Variants in HYDIN observed in about 807,000 individuals in gnomAD.
HYDIN encodes the protein HYDIN axonemal central pair apparatus protein, also known as axonemal central pair apparatus protein HYDIN.
Under a neutral mutation model 403.9 loss-of-function variants are expected in HYDIN, and 132 were observed. The observed-to-expected ratio is 0.33, with a 90% CI of 0.28 to 0.38. The LOEUF is 0.38. HYDIN is among the 10% of genes least tolerant of loss of function. HYDIN has a pLI of 1.00. For synonymous variants in HYDIN, 1,202 were observed against 1,891.7 expected, an observed-to-expected ratio of 0.64 and a Z score of 9.46; for missense variants, 2,827 against 5,009.5, an observed-to-expected ratio of 0.56 and a Z score of 13.15.
In HYDIN at chr16:70,992,218, A is replaced by C. The variant is rs1215181518; in HGVS notation, c.3645-8T>G. ...TTCGGCAATGTCACAAACCTACCAA[A>C]GCATGGGACAGGGAATAGGGGGAGA... On this transcript the variant is annotated splice_region_variant and splice_polypyrimidine_tract_variant and intron_variant, in intron 23 of 85. Transcript: ENST00000393567. 5.1e-6 allele frequency: 8 copies of C among 1,558,938 alleles called. No homozygotes were observed. The highest frequency in any genetic ancestry group is 6.9e-6 in the Non-Finnish European group (8 of 1,154,966).
intron 21 of HYDIN, among the ~76,000 whole-genome samples, chr16:71,022,784 G>A (rs1210087815): frequency 2.1e-5 from 3 of 145,776 alleles, no homozygotes; most frequent in East Asian, 2.0e-4. Flanking sequence ...GCAGGGAACT[G>A]TAGCTCAATT....
At chr16:71,206,432 T>C (rs906555829) in intron 1 of HYDIN, among the ~76,000 whole-genome samples, 15 of 151,930 alleles carry the variant, frequency 9.9e-5, no homozygotes, top group Non-Finnish European at 2.1e-4. Context: ...AAACAATCCA[T>C]CCAAAAGGAC....
chr16:71,201,548 A>T (rs1487078966), intron 1 of HYDIN, among the ~76,000 whole-genome samples: 1 of 152,132 alleles, frequency 6.6e-6, no homozygotes. Flanking sequence ...ACATGACCCA[A>T]GCCAAGCCCA....
chr16:70,921,025 T>C lies in HYDIN; in HGVS notation c.7351A>G (p.Lys2451Glu). Reference sequence around the variant, plus strand: ...GTCTTAAACTTCGGGGCCAGTTGCTTGTCGGGGTCCTTTGAGTTGTCCCCT... The same window carrying C: ...GTCTTAAACTTCGGGGCCAGTTGCTCGTCGGGGTCCTTTGAGTTGTCCCCT... ...SEGDNSKDPDKQLAPKFKTYE... is the reference protein window; with the variant it reads ...SEGDNSKDPDEQLAPKFKTYE... Residue 2451 changes from lysine to glutamate, a missense_variant, in exon 46 of 86, where the codon AAG (lysine) becomes GAG (glutamate). By Grantham distance (56) the Lys-to-Glu change is moderately conservative. Coordinates refer to ENST00000393567, the MANE Select transcript of HYDIN (RefSeq NM_001270974.2). 6.2e-7 allele frequency: 1 copy of C among 1,603,018 alleles called. No homozygotes were observed. The highest frequency in any genetic ancestry group is 8.5e-7 in the Non-Finnish European group (1 of 1,175,110).
chr16:71,038,088 C>T (rs1339010859), intron 18 of HYDIN, among the ~76,000 whole-genome samples: 6 of 152,182 alleles, frequency 3.9e-5, no homozygotes, highest in African/African-American at 1.4e-4. Flanking sequence ...AAGCCAGAGT[C>T]GTTTGAGCAG....
At chr16:70,945,080 A>G (rs1425554195) in intron 41 of HYDIN, among the ~76,000 whole-genome samples, 1 of 152,056 alleles carries the variant, frequency 6.6e-6, no homozygotes, top group Admixed American at 6.6e-5. Flanking sequence ...AGACCACCCT[A>G]CTCGTCACAT....
At position 70,908,780 on chromosome 16, in the gene HYDIN, T is replaced by C. The variant is rs766009575; in HGVS notation, c.8086A>G (p.Lys2696Glu). ...EKIDQVFEIQ[K>E]DKRHMALNRK... is the part of the protein sequence containing the mutation. ...TTTAAGGCCATGTGACGCTTGTCTT[T>C]CTGAATCTCGAAGACTTGGTCTATC... The change falls in exon 48 of 86, where the codon AAA becomes GAA. Residue 2696 changes from lysine to glutamate, a missense_variant. Lys to Glu is a moderately conservative substitution (Grantham distance 56, BLOSUM62 1). Coordinates refer to ENST00000393567, the MANE Select transcript of HYDIN (RefSeq NM_001270974.2). 3 of 1,614,246 alleles carry C rather than the reference T, an allele frequency of 1.9e-6. No homozygotes were observed. The South Asian group carries it at 3.3e-5, about 18-fold the overall frequency.
intron 13 of HYDIN, among the ~76,000 whole-genome samples, chr16:71,078,913 T>C (rs1452149558): frequency 6.6e-6 from 1 of 152,240 alleles, no homozygotes; most frequent in African/African-American, 2.4e-5. Context: ...TAAGTTTTGG[T>C]TGTGAATGTG....
At chr16:71,139,856 T>C (rs1248292298) in intron 7 of HYDIN, among the ~76,000 whole-genome samples, 5 of 151,390 alleles carry the variant, frequency 3.3e-5, no homozygotes, top group Non-Finnish European at 5.9e-5. Context: ...AGAATTTTGT[T>C]TGGAATTAAA....
At chr16:71,151,234 T>G (rs1379443872) in intron 7 of HYDIN, among the ~76,000 whole-genome samples, 2 of 151,988 alleles carry the variant, frequency 1.3e-5, no homozygotes, top group Non-Finnish European at 2.9e-5. Flanking sequence ...AGCCAACGAG[T>G]GTGGCTAAAA....
At chr16:70,863,026 A>C in intron 68 of HYDIN, 59 bp downstream of exon 68, 1 of 1,451,384 alleles carries the variant, frequency 6.9e-7, no homozygotes, top group Admixed American at 1.7e-5. Flanking sequence ...TCCATGAACA[A>C]GGCTCTTCTA....
intron 65 of HYDIN, among the ~76,000 whole-genome samples, chr16:70,871,419 G>A (rs1187711697): frequency 6.6e-6 from 1 of 152,060 alleles, no homozygotes; most frequent in Non-Finnish European, 1.5e-5. Flanking sequence ...TCTACAAAAA[G>A]CAACCACTGG....
At chr16:71,105,064 TGAA>T (rs1482736798) in intron 10 of HYDIN, among the ~76,000 whole-genome samples, 1 of 147,452 alleles carries the variant, frequency 6.8e-6, no homozygotes, top group Admixed American at 6.8e-5. Context: ...AAGAGATAAA[TGAA>T]GAAATAGAAA....
At position 71,184,927 on chromosome 16, in the gene HYDIN, G is replaced by T. The variant is rs371990526; in HGVS notation, c.199C>A (p.Arg67Ser). 2.5e-6 allele frequency: 4 copies of T among 1,610,644 alleles called. No homozygotes were observed. Among genetic ancestry groups the T allele is most frequent in the African/African-American group, 1.3e-5 (1 of 74,882 alleles). The part of the protein sequence containing the change: ...LTTEQRLAKT[R>S]LMCRPQIIEL... ...ATGATCTGTGGTCGGCACATCAAAC[G>T]TGTTTTTGCCAGTCTCTGCTCGGTG... Residue 67 changes from arginine (R) to serine (S), a missense_variant, in exon 3 of 86, where the codon CGT becomes AGT. Transcript: ENST00000393567.
Position 71,093,840 on chromosome 16 carries a change from T to C in HYDIN, c.1423A>G (p.Thr475Ala), listed in dbSNP as rs776816066. 8 of 1,613,660 alleles carry C rather than the reference T, an allele frequency of 5.0e-6. 1 individual carries two copies. The South Asian group carries it at 8.8e-5, about 18-fold the overall frequency. The part of the protein sequence containing the change: ...FELLDIGKVF[T>A]GSAHCYEAIL... ...ACCTCATAACAATGTGCAGATCCAG[T>C]GAAAACTTTCCCAATATCCAGCAAT... The change falls in exon 11 of 86, where the codon ACT becomes GCT. Residue 475 changes from threonine (T) to alanine (A), a missense_variant. Physicochemically the swap from Thr to Ala is moderately conservative, Grantham distance 58 (BLOSUM62 0). Transcript: ENST00000393567.
chr16:70,882,935 G>A (rs768150404), intron 59 of HYDIN, 40 bp from the exon 60 acceptor site: 16 of 1,465,550 alleles, frequency 1.1e-5, no homozygotes, highest in African/African-American at 1.4e-5. Flanking sequence ...CTGCCTGATT[G>A]CTGGATTCCC....
chr16:71,019,428 G>T (rs2080389536), intron 22 of HYDIN, among the ~76,000 whole-genome samples: 1 of 152,222 alleles, frequency 6.6e-6, no homozygotes. Context: ...TCAACAGTCA[G>T]AGAGAGAGTA....
At chr16:71,119,122 C>T (rs2144481976) in intron 9 of HYDIN, among the ~76,000 whole-genome samples, 1 of 151,310 alleles carries the variant, frequency 6.6e-6, no homozygotes. Context: ...TTGAAGTGGA[C>T]CAGGAATGCT....
chr16:71,023,400 G>A (rs1466495358), intron 21 of HYDIN, among the ~76,000 whole-genome samples: 2 of 152,006 alleles, frequency 1.3e-5, no homozygotes, highest in Non-Finnish European at 2.9e-5. Context: ...GTGTACATGT[G>A]CCATGGTGGT....
Sources: gnomAD v4.1 joint callset for allele counts (sites outside exome capture counted in the v4.1 genomes callset) on GRCh38, gnomAD v4.1.1 for gene constraint, MANE v1.5 for transcripts, NCBI Gene and HGNC (gene_info 2026-07-23, HGNC 2026-07-21) for gene names.